LRRK1: variants seen among roughly 807,000 people sequenced by gnomAD.
LRRK1 encodes the protein leucine-rich repeat serine/threonine-protein kinase 1.
In LRRK1, 113 loss-of-function variants were observed where a neutral mutation model predicts 209.1. The observed-to-expected ratio is 0.54, with a 90% CI of 0.46 to 0.63. The LOEUF (loss-of-function observed/expected upper bound fraction) is 0.63. LRRK1 is among the 30% of genes least tolerant of loss of function. LRRK1 has a pLI of 0.00. For missense variants in LRRK1, 2,284 were observed against 2,632.2 expected, an observed-to-expected ratio of 0.87 and a Z score of 2.89; for synonymous variants, 1,144 against 1,099.7, an observed-to-expected ratio of 1.04 and a Z score of -0.80.
intron 29 of LRRK1, 61 bp downstream of exon 29, chr15:101,058,202 C>T: frequency 1.9e-6 from 3 of 1,547,138 alleles, no homozygotes; most frequent in Non-Finnish European, 2.7e-6. Context: ...GCCGTGGAAT[C>T]TGGGAACACA....
intron 9 of LRRK1, among the ~76,000 whole-genome samples, chr15:101,011,553 G>A (rs1170743275): frequency 6.6e-6 from 1 of 150,812 alleles, no homozygotes; most frequent in Non-Finnish European, 1.5e-5. Flanking sequence ...GGGGAATTTT[G>A]CTTGTTAAAA....
At chr15:100,935,747 A>G (rs1409027514) in intron 2 of LRRK1, among the ~76,000 whole-genome samples, 3 of 152,310 alleles carry the variant, frequency 2.0e-5, no homozygotes, top group African/African-American at 7.2e-5. Context: ...TGCTGGCTTA[A>G]AAGAACAACG....
chr15:100,970,307 A>G (rs2030778134), intron 2 of LRRK1, among the ~76,000 whole-genome samples: 1 of 152,152 alleles, frequency 6.6e-6, no homozygotes, highest in Non-Finnish European at 1.5e-5. Flanking sequence ...CCATCTCAAG[A>G]TGATATTTGT....
chr15:101,057,103 C>T (rs2035855936), intron 28 of LRRK1, 53 bp downstream of exon 28: 5 of 1,486,710 alleles, frequency 3.4e-6, no homozygotes, highest in Non-Finnish European at 2.7e-6. Context: ...TGTGAGGAAG[C>T]TGTGGGTCCC....
intron 33 of LRRK1, chr15:101,067,357 AC>A (rs1010594221): frequency 7.2e-5 from 32 of 441,474 alleles, no homozygotes; most frequent in Non-Finnish European, 1.4e-4. Flanking sequence ...CAGTGTTTAC[AC>A]CCCGCACTTT....
At chr15:101,040,009 C>T (rs2034670924) in intron 20 of LRRK1, among the ~76,000 whole-genome samples, 1 of 152,114 alleles carries the variant, frequency 6.6e-6, no homozygotes, top group Admixed American at 6.5e-5. Flanking sequence ...AATCTATGTT[C>T]ATGAGGGATA....
intron 2 of LRRK1, among the ~76,000 whole-genome samples, chr15:100,933,598 G>A (rs892741564): frequency 6.6e-6 from 1 of 152,028 alleles, no homozygotes; most frequent in African/African-American, 2.4e-5. Context: ...GAGGTGGGCA[G>A]ATCACTTGAA....
At chr15:101,040,402 T>C (rs1245894701) in intron 20 of LRRK1, among the ~76,000 whole-genome samples, 2 of 152,178 alleles carry the variant, frequency 1.3e-5, no homozygotes, top group East Asian at 3.8e-4. Flanking sequence ...AATATGTCTT[T>C]TCTCTCATTC....
At chr15:100,927,617 T>G (rs10794481) in intron 2 of LRRK1, among the ~76,000 whole-genome samples, 1 of 152,028 alleles carries the variant, frequency 6.6e-6, no homozygotes, top group African/African-American at 2.4e-5. Flanking sequence ...AGTGACCTAA[T>G]ACAGAGAACA....
intron 33 of LRRK1, chr15:101,067,265 G>A: frequency 2.2e-6 from 1 of 456,286 alleles, no homozygotes. Context: ...CTCTGTGAAG[G>A]TATGCTGGGC....
At chr15:100,996,477 G>A (rs1177549767) in intron 6 of LRRK1, among the ~76,000 whole-genome samples, 1 of 152,242 alleles carries the variant, frequency 6.6e-6, no homozygotes, top group East Asian at 1.9e-4. Flanking sequence ...ACCCTGGACT[G>A]TTCCCAGCAT....
rs541832421 is a variant in LRRK1, at chr15:101,069,019, G to GGGTTCTCT, written c.*182_*189dup. 4 of 582,868 alleles carry GGGTTCTCT rather than the reference G, an allele frequency of 6.9e-6. No individual in the cohort carries two copies. Among genetic ancestry groups the GGGTTCTCT allele is most frequent in the Non-Finnish European group, 1.1e-5 (4 of 356,352 alleles). 36.1% of individuals were successfully genotyped at this position (582,868 alleles called of 1,614,324 possible). A position where few individuals can be genotyped will look rare whatever the true frequency, so the allele number is the denominator to read the frequency against. ...AGTTACTCGCCTGGCGGTGGCTCCA[G>GGGTTCTCT]GGTTCTCTGGTTCTCTGGAGCAGAG... On this transcript the variant is annotated 3_prime_UTR_variant, in exon 34 of 34. Coordinates refer to ENST00000388948, the MANE Select transcript of LRRK1 (RefSeq NM_024652.6).
chr15:100,988,865 C>T, intron 5 of LRRK1, 52 bp downstream of exon 5: 1 of 1,434,728 alleles, frequency 7.0e-7, no homozygotes, highest in African/African-American at 1.4e-5. Context: ...ACCATCTCAG[C>T]CTCCAGATGT....
Position 101,056,897 on chromosome 15 carries a change from G to A in LRRK1, c.4374G>A (p.Leu1458=). The A allele has an allele frequency of 6.2e-7, 1 of 1,613,620 alleles. No homozygotes were observed. The change falls in exon 28 of 34, where the codon CTG becomes CTA. Residue 1458 remains leucine, a synonymous_variant. Coordinates refer to ENST00000388948, the MANE Select transcript of LRRK1 (RefSeq NM_024652.6). ...ATGGAATGGTGCTCTACGAGTTGCT[G>A]TCAGGACAGCGCCCTGCACTGGGCC... ...FSYGMVLYEL[L]SGQRPALGHH...
At chr15:101,050,204 C>T (rs550064452) in intron 23 of LRRK1, among the ~76,000 whole-genome samples, 2 of 152,190 alleles carry the variant, frequency 1.3e-5, no homozygotes, top group Non-Finnish European at 2.9e-5. Context: ...GGAGGGGAGC[C>T]GTGGCAGCCA....
Position 100,924,503 on chromosome 15 carries a change from G to A in LRRK1, c.-122-8G>A, listed in dbSNP as rs964521711. On this transcript the variant is annotated splice_region_variant and splice_polypyrimidine_tract_variant and intron_variant, in intron 1 of 33. Transcript: ENST00000388948. ...AGGCTTTCTGTTTTGATTGTTTTTC[G>A]CCACCAGAGCAAGAAAGCTTTCTGC... The A allele has an allele frequency of 2.0e-5, 14 of 688,242 alleles. No homozygotes were observed. Among genetic ancestry groups the A allele is most frequent in the Admixed American group, 7.6e-5 (3 of 39,516 alleles). The allele number at this position is 688,242 out of a possible 1,614,324, so 42.6% of individuals were successfully genotyped here.
intron 2 of LRRK1, among the ~76,000 whole-genome samples, chr15:100,951,674 G>A (rs910668376): frequency 3.3e-5 from 5 of 152,018 alleles, no homozygotes; most frequent in Admixed American, 6.5e-5. Flanking sequence ...TAATAAGGCC[G>A]GGCATAGTGG....
rs2033191949 is a variant in LRRK1, at chr15:101,010,700, C to G, written c.1144C>G (p.Leu382Val). Residue 382 changes from leucine (L) to valine (V), a missense_variant, in exon 9 of 34, where the codon CTA becomes GTA. Around this residue, in one of 6 missense-constraint regions of LRRK1, gnomAD observed 494 missense variants for 522.1 expected, o/e 0.95. Transcript: ENST00000388948. ...CACTAACTGGATAGGTTTACGGAAG[C>G]TACAGGAACTTGATATATCTGACAA... Reference protein sequence around the residue: ...NATNWIGLRKLQELDISDNKL... With the variant: ...NATNWIGLRKVQELDISDNKL... 6.2e-7 allele frequency: 1 copy of G among 1,610,412 alleles called. No homozygotes were observed. The highest frequency in any genetic ancestry group is 8.5e-7 in the Non-Finnish European group (1 of 1,179,420).
intron 2 of LRRK1, among the ~76,000 whole-genome samples, chr15:100,941,446 C>CTCTCTGTG (rs2042428463): frequency 1.4e-5 from 1 of 72,598 alleles, no homozygotes; most frequent in African/African-American, 7.8e-5. Context: ...GTGTGTGTGT[C>CTCTCTGTG]TGTGTGTGTC....
Sources: gnomAD v4.1 joint callset for allele counts (sites outside exome capture counted in the v4.1 genomes callset) on GRCh38, gnomAD v4.1.1 for gene constraint, gnomAD v4.1.1 regional missense constraint, MANE v1.5 for transcripts, NCBI Gene and HGNC (gene_info 2026-07-23, HGNC 2026-07-21) for gene names.